PLXDC2: variants seen among roughly 807,000 people sequenced by gnomAD.
PLXDC2 encodes the protein plexin domain-containing protein 2.
PLXDC2 carries 40 observed loss-of-function variants against 68.9 expected under a neutral mutation model. That is an observed-to-expected ratio of 0.58 (90% confidence interval 0.45 to 0.76). The LOEUF is 0.76. Among genes scored for constraint, PLXDC2 ranks in the 30% least tolerant of loss-of-function variants. PLXDC2 has a pLI of 0.00. For synonymous variants in PLXDC2, 243 were observed against 234.2 expected (o/e 1.04, Z -0.34); for missense variants, 644 against 661.9 (o/e 0.97, Z 0.30).
At chr10:20,052,934 G>C (rs1007532289) in intron 3 of PLXDC2, among the ~76,000 whole-genome samples, 1 of 151,876 alleles carries the variant, frequency 6.6e-6, no homozygotes, top group African/African-American at 2.4e-5. Context: ...TTTTACCTAG[G>C]AACATTTTTT....
intron 10 of PLXDC2, among the ~76,000 whole-genome samples, chr10:20,216,527 G>C (rs919260662): frequency 6.6e-6 from 1 of 152,076 alleles, no homozygotes; most frequent in East Asian, 1.9e-4. Flanking sequence ...ATTAACAAGG[G>C]GAAAGGCACC....
intron 4 of PLXDC2, among the ~76,000 whole-genome samples, chr10:20,074,754 G>T (rs1836409633): frequency 6.6e-6 from 1 of 152,098 alleles, no homozygotes; most frequent in African/African-American, 2.4e-5. Flanking sequence ...CATGATGATT[G>T]ATTTGTAAAT....
At chr10:20,153,294 G>A (rs945167415) in intron 6 of PLXDC2, among the ~76,000 whole-genome samples, 4 of 152,140 alleles carry the variant, frequency 2.6e-5, no homozygotes, top group African/African-American at 4.8e-5. Flanking sequence ...AAAAGAAAGT[G>A]TATAGGGTAG....
intron 1 of PLXDC2, among the ~76,000 whole-genome samples, chr10:19,907,170 T>G (rs1205857096): frequency 6.6e-6 from 1 of 152,192 alleles, no homozygotes. Flanking sequence ...TTTTATTTTC[T>G]TGAGCGCTAA....
At chr10:19,866,768 T>G (rs935655795) in intron 1 of PLXDC2, among the ~76,000 whole-genome samples, 2 of 152,116 alleles carry the variant, frequency 1.3e-5, no homozygotes, top group African/African-American at 4.8e-5. Flanking sequence ...AAGGCAGGGG[T>G]ACATTTTAGA....
At chr10:20,021,060 A>C (rs1015118816) in intron 2 of PLXDC2, among the ~76,000 whole-genome samples, 7 of 152,216 alleles carry the variant, frequency 4.6e-5, no homozygotes, top group Non-Finnish European at 8.8e-5. Flanking sequence ...ACTAAACAAA[A>C]TATAGTATAC....
intron 4 of PLXDC2, among the ~76,000 whole-genome samples, chr10:20,129,559 G>GTA (rs952487025): frequency 1.6e-4 from 24 of 150,718 alleles, no homozygotes; most frequent in Non-Finnish European, 3.2e-4. Context: ...ATATATATGT[G>GTA]TATATATATA....
At chr10:20,085,754 G>T (rs2131725627) in intron 4 of PLXDC2, among the ~76,000 whole-genome samples, 1 of 152,220 alleles carries the variant, frequency 6.6e-6, no homozygotes, top group African/African-American at 2.4e-5. Flanking sequence ...CCTCCCTCAA[G>T]ATGATTCTCT....
chr10:19,892,222 A>G (rs1391412256), intron 1 of PLXDC2, among the ~76,000 whole-genome samples: 1 of 152,198 alleles, frequency 6.6e-6, no homozygotes, highest in Non-Finnish European at 1.5e-5. Context: ...AAGGGCTCTT[A>G]GTGAATTCTT....
chr10:20,146,522 C>CCTTCCTT (rs34536505), intron 5 of PLXDC2, among the ~76,000 whole-genome samples: 87 of 13,424 alleles, frequency 6.5e-3, no homozygotes, highest in Middle Eastern at 0.036. Flanking sequence ...CTTCCTTCCT[C>CCTTCCTT]CCTCCCTCCC....
intron 1 of PLXDC2, among the ~76,000 whole-genome samples, chr10:19,983,309 T>A (rs1834583572): frequency 6.6e-6 from 1 of 152,186 alleles, no homozygotes; most frequent in Admixed American, 6.5e-5. Flanking sequence ...AAAGAGGACA[T>A]ACTGTTAATC....
chr10:20,093,985 A>C (rs1833315335), intron 4 of PLXDC2, among the ~76,000 whole-genome samples: 1 of 152,204 alleles, frequency 6.6e-6, no homozygotes, highest in Non-Finnish European at 1.5e-5. Flanking sequence ...CTATCTTTTA[A>C]ATTCAAGTGA....
chr10:20,169,543 A>G (rs1184802674), intron 7 of PLXDC2, among the ~76,000 whole-genome samples: 1 of 152,134 alleles, frequency 6.6e-6, no homozygotes, highest in African/African-American at 2.4e-5. Flanking sequence ...CACGATTCTC[A>G]CTAGTGCCAT....
intron 1 of PLXDC2, among the ~76,000 whole-genome samples, chr10:20,000,493 C>CT (rs1216686391): frequency 6.6e-6 from 1 of 151,932 alleles, no homozygotes. Flanking sequence ...TATCCTTACT[C>CT]TATGCATCAT....
chr10:20,148,300 T>C (rs976744303), intron 6 of PLXDC2, among the ~76,000 whole-genome samples: 3 of 151,942 alleles, frequency 2.0e-5, no homozygotes, highest in Non-Finnish European at 2.9e-5. Context: ...TTCTTTGTTA[T>C]ATTTTGGTTC....
intron 1 of PLXDC2, among the ~76,000 whole-genome samples, chr10:19,852,274 C>G (rs1206985135): frequency 6.6e-6 from 1 of 151,592 alleles, no homozygotes; most frequent in African/African-American, 2.4e-5. Flanking sequence ...CATGCTGGCT[C>G]ATGCCTGTGG....
At chr10:19,878,302 A>G (rs1837670930) in intron 1 of PLXDC2, among the ~76,000 whole-genome samples, 2 of 152,072 alleles carry the variant, frequency 1.3e-5, no homozygotes, top group Admixed American at 6.6e-5. Flanking sequence ...CCTGGGCCCA[A>G]GTGATCCTCC....
Position 20,289,457 on chromosome 10 carries a change from T to C in PLXDC2, c.*9638T>C, listed in dbSNP as rs1836201979. ...TGCTTTATGAACTCCTTTGATTTTC[T>C]GAATAAGTTCCAGAAGGTTCTCTAT... On this transcript the variant is annotated 3_prime_UTR_variant, in exon 14 of 14. Transcript: ENST00000377252. 1 of 152,234 alleles carries C rather than the reference T, an allele frequency of 6.6e-6. No homozygotes were observed. The highest frequency in any genetic ancestry group is 1.5e-5 in the Non-Finnish European group (1 of 68,038). The allele number at this position is 152,234 out of a possible 1,614,324, so 9.4% of individuals were successfully genotyped here.
In PLXDC2 at chr10:20,217,595, GCTTT is replaced by G; in HGVS notation, c.1273+20_1273+23del. 1.5e-4 allele frequency: 39 copies of G among 262,526 alleles called. No individual in the cohort carries two copies. Among genetic ancestry groups the G allele is most frequent in the South Asian group, 6.5e-4 (8 of 12,400 alleles). 16.3% of individuals were successfully genotyped at this position (262,526 alleles called of 1,614,324 possible). A position where few individuals can be genotyped will look rare whatever the true frequency, so the allele number is the denominator to read the frequency against. ...ACAGAAGGTACCCAAGAGATAGTTT[GCTTT>G]TTTTTTTTTTTTTTTTTTTTTTTTT... On this transcript the variant is annotated intron_variant, in intron 11 of 13. Coordinates refer to ENST00000377252, the MANE Select transcript of PLXDC2 (RefSeq NM_032812.9).
Sources: gnomAD v4.1 joint callset for allele counts (sites outside exome capture counted in the v4.1 genomes callset) on GRCh38, gnomAD v4.1.1 for gene constraint, MANE v1.5 for transcripts, NCBI Gene and HGNC (gene_info 2026-07-23, HGNC 2026-07-21) for gene names.